The following OGDH variants were observed in gnomAD, a reference collection of about 807,000 sequenced individuals.
The protein encoded by OGDH is 2-oxoglutarate dehydrogenase complex component E1.
OGDH carries 38 observed loss-of-function variants against 116.6 expected under a neutral mutation model. That is an observed-to-expected ratio of 0.33 (90% CI 0.25 to 0.43). The LOEUF (loss-of-function observed/expected upper bound fraction) is 0.43. Among genes scored for constraint, OGDH ranks in the 20% least tolerant of loss-of-function variants. The pLI is 1.00. For missense variants in OGDH, 825 were observed against 1,357.2 expected (o/e 0.61, Z 6.16); for synonymous variants, 488 against 533.3 (o/e 0.92, Z 1.17).
intron 9 of OGDH, among the ~76,000 whole-genome samples, chr7:44,679,882 C>G (rs529173245): frequency 1.8e-4 from 28 of 152,308 alleles, no homozygotes; most frequent in African/African-American, 6.3e-4. Flanking sequence ...GCCCGCCCTG[C>G]AGACTTTGCA....
At chr7:44,640,370 A>T (rs1160060759) in intron 2 of OGDH, among the ~76,000 whole-genome samples, 1 of 152,140 alleles carries the variant, frequency 6.6e-6, no homozygotes, top group African/African-American at 2.4e-5. Context: ...AGGTGCTCTA[A>T]GTAAGTTGGA....
At chr7:44,618,314 T>C (rs1784880442) in intron 1 of OGDH, among the ~76,000 whole-genome samples, 1 of 152,126 alleles carries the variant, frequency 6.6e-6, no homozygotes, top group African/African-American at 2.4e-5. Flanking sequence ...TATTAGAGGG[T>C]TGTGACACCA....
intron 1 of OGDH, chr7:44,622,736 A>T (rs1785050805): frequency 6.6e-6 from 1 of 152,168 alleles, no homozygotes; most frequent in African/African-American, 2.4e-5. Flanking sequence ...TAACTTTACA[A>T]CCAGAGCACC....
intron 1 of OGDH, among the ~76,000 whole-genome samples, chr7:44,617,245 A>G (rs1784842275): frequency 6.6e-6 from 1 of 151,920 alleles, no homozygotes; most frequent in Non-Finnish European, 1.5e-5. Flanking sequence ...TTCTTTAGTC[A>G]TAGATATACC....
chr7:44,707,567 C>T lies in OGDH; in HGVS notation c.2797-15C>T. ...TGAGTTTCCTCTTTTTGATCTGACC[C>T]CTGCTGTCTCCTAGCTGTCGCCATT... On this transcript the variant is annotated splice_polypyrimidine_tract_variant and intron_variant, in intron 21 of 22. Transcript: ENST00000222673. This position sits in a 1 kb window ranked among gnomAD's most constrained non-coding sequence, Gnocchi z 5.2. 6.2e-7 allele frequency: 1 copy of T among 1,613,308 alleles called. No homozygotes were observed. Among genetic ancestry groups the T allele is most frequent in the Non-Finnish European group, 8.5e-7 (1 of 1,179,952 alleles).
intron 7 of OGDH, 95 bp from the exon 8 acceptor site, chr7:44,675,082 TG>T (rs879582648): frequency 7.9e-6 from 7 of 891,606 alleles, no homozygotes; most frequent in Non-Finnish European, 8.7e-6. Flanking sequence ...TGCCGTGTCC[TG>T]GGGGGAGGGG....
At chr7:44,608,955 T>A (rs1482357569) in intron 1 of OGDH, among the ~76,000 whole-genome samples, 2 of 152,104 alleles carry the variant, frequency 1.3e-5, no homozygotes, top group Non-Finnish European at 2.9e-5. Flanking sequence ...CAGCCAGATA[T>A]TGACATTAAT....
chr7:44,649,591 C>T (rs947826085), intron 4 of OGDH, among the ~76,000 whole-genome samples: 1 of 152,096 alleles, frequency 6.6e-6, no homozygotes, highest in African/African-American at 2.4e-5. Context: ...CCCTCTCCTT[C>T]CAGAACCTGC....
intron 4 of OGDH, among the ~76,000 whole-genome samples, chr7:44,663,674 T>A (rs1349631095): frequency 1.3e-5 from 2 of 152,188 alleles, no homozygotes; most frequent in Admixed American, 1.3e-4. Flanking sequence ...CTCAGGAGGC[T>A]GATGCAGGAG....
chr7:44,624,426 C>T lies in OGDH; in HGVS notation c.83C>T (p.Pro28Leu), dbSNP rs778147399. 2 of 1,613,088 alleles carry T rather than the reference C, an allele frequency of 1.2e-6. No individual in the cohort carries two copies. The highest frequency in any genetic ancestry group is 8.5e-7 in the Non-Finnish European group (1 of 1,179,844). ...GTTAAGACATTTTCACAAAACAGAC[C>T]AGCAGCAGCTAGGACATTTCAACAG... ...QTVKTFSQNR[P>L]AAARTFQQIR... Residue 28 changes from proline to leucine, a missense_variant, in exon 2 of 23, where the codon CCA (proline) becomes CTA (leucine). Physicochemically the swap from Pro to Leu is moderately conservative, Grantham distance 98 (BLOSUM62 -3). Coordinates refer to ENST00000222673, the MANE Select transcript of OGDH (RefSeq NM_002541.4).
chr7:44,668,574 A>G (rs542914051), intron 5 of OGDH, among the ~76,000 whole-genome samples: 11 of 152,344 alleles, frequency 7.2e-5, no homozygotes, highest in African/African-American at 2.2e-4. Context: ...AGAAAGGGGT[A>G]GAAACCAGAA....
chr7:44,637,167 C>T (rs1216050218), intron 2 of OGDH, among the ~76,000 whole-genome samples: 1 of 152,220 alleles, frequency 6.6e-6, no homozygotes. Flanking sequence ...TGAGTCTCAG[C>T]ACATGGTGGG....
At chr7:44,676,372 A>G (rs1562663879) in intron 9 of OGDH, 2 of 922,584 alleles carry the variant, frequency 2.2e-6, no homozygotes, top group East Asian at 2.8e-5. Context: ...CCTGACCAAC[A>G]TGGAGAAACT....
Position 44,697,252 on chromosome 7 carries a change from G to T in OGDH, c.2052-118G>T. ...CCTGGGTGGGGCCGACCCTGCAGCT[G>T]CCTGGCCAGAAGTCCAGGTCACAGA... is the stretch of plus-strand genomic sequence containing the variant. On this transcript the variant is annotated intron_variant, in intron 15 of 22. Transcript: ENST00000222673. The surrounding 1 kb of genome is among the most constrained non-coding windows in gnomAD (Gnocchi z 6.0). The T allele has an allele frequency of 8.7e-6, 13 of 1,493,566 alleles. No homozygotes were observed. In the South Asian group the frequency reaches 1.5e-4, roughly 17 times the overall value. 92.5% of individuals were successfully genotyped at this position (1,493,566 alleles called of 1,614,324 possible).
intron 14 of OGDH, 82 bp downstream of exon 14, chr7:44,696,639 C>T (rs1788593827): frequency 7.5e-7 from 1 of 1,328,658 alleles, no homozygotes; most frequent in South Asian, 1.4e-5. Flanking sequence ...ACCTTGGCCC[C>T]CACCCATCAT....
Position 44,674,264 on chromosome 7 carries a change from C to T in OGDH, c.789-147C>T, listed in dbSNP as rs112069450. On this transcript the variant is annotated intron_variant, in intron 6 of 22. Transcript: ENST00000222673. ...TTCACCGTGTTGGCCAGGCTGGTCT[C>T]GAACTCCTGACCTCAGCTGATCTGC... 5.6e-4 allele frequency: 514 copies of T among 912,500 alleles called. 4 individuals carry two copies. In the African/African-American group the frequency reaches 6.2e-3, roughly 11 times the overall value. 56.5% of individuals were successfully genotyped at this position (912,500 alleles called of 1,614,324 possible).
chr7:44,708,007 C>A lies in OGDH; in HGVS notation c.*8C>A, dbSNP rs759019403. ...TTCAAGAACTTCTCGTAGATGCTGC[C>A]TAGGGTTGCTTGGGCCACTGCCCTC... On this transcript the variant is annotated 3_prime_UTR_variant, in exon 23 of 23. Transcript: ENST00000222673. 4.3e-6 allele frequency: 7 copies of A among 1,610,756 alleles called. No homozygotes were observed. Among genetic ancestry groups the A allele is most frequent in the Non-Finnish European group, 5.9e-6 (7 of 1,179,228 alleles).
chr7:44,618,388 T>C (rs1365911277), intron 1 of OGDH, among the ~76,000 whole-genome samples: 1 of 152,210 alleles, frequency 6.6e-6, no homozygotes, highest in Non-Finnish European at 1.5e-5. Flanking sequence ...CCTATGTCCA[T>C]TGAGTTACTC....
At chr7:44,627,184 A>T (rs1785240500) in intron 2 of OGDH, among the ~76,000 whole-genome samples, 1 of 152,068 alleles carries the variant, frequency 6.6e-6, no homozygotes. Flanking sequence ...TTTAGTAGAG[A>T]CGGGGTTTCA....
Sources: gnomAD v4.1 joint callset for allele counts (sites outside exome capture counted in the v4.1 genomes callset) on GRCh38, gnomAD v4.1.1 for gene constraint, Gnocchi (gnomAD v3.1) non-coding constraint, MANE v1.5 for transcripts, NCBI Gene and HGNC (gene_info 2026-07-23, HGNC 2026-07-21) for gene names.